Variants in EPB41L3 observed in about 807,000 individuals in gnomAD.
EPB41L3 encodes band 4.1-like protein 3.
A neutral mutation model predicts 127.1 loss-of-function variants in EPB41L3; 57 were observed. That is an observed-to-expected ratio of 0.45 (90% CI 0.36 to 0.56). The LOEUF (loss-of-function observed/expected upper bound fraction) is 0.56. Among genes scored for constraint, EPB41L3 ranks in the 20% least tolerant of loss-of-function variants. The pLI is 0.00. For missense variants in EPB41L3, 1,273 were observed against 1,372.2 expected, an observed-to-expected ratio of 0.93 and a Z score of 1.14; for synonymous variants, 572 against 549.5, an observed-to-expected ratio of 1.04 and a Z score of -0.57.
At chr18:5,491,687 G>T (rs2090612935) in intron 1 of EPB41L3, among the ~76,000 whole-genome samples, 1 of 151,950 alleles carries the variant, frequency 6.6e-6, no homozygotes, top group Non-Finnish European at 1.5e-5. Context: ...TATTTCCTAG[G>T]TATATTAATT....
At chr18:5,469,304 C>T (rs1198325386) in intron 3 of EPB41L3, among the ~76,000 whole-genome samples, 2 of 152,194 alleles carry the variant, frequency 1.3e-5, no homozygotes, top group Non-Finnish European at 1.5e-5. Flanking sequence ...TCCAAGCTTC[C>T]GGGTGTCACT....
chr18:5,552,495 A>AT (rs1192873095), intron 3 of EPB41L3, among the ~76,000 whole-genome samples: 3 of 152,220 alleles, frequency 2.0e-5, no homozygotes, highest in African/African-American at 7.2e-5. Context: ...GATGAAACAG[A>AT]TAAAAATATT....
chr18:5,596,551 T>C (rs1416951338), intron 3 of EPB41L3, among the ~76,000 whole-genome samples: 3 of 152,142 alleles, frequency 2.0e-5, no homozygotes. Flanking sequence ...CACAAAAATG[T>C]GTCTCAGCCG....
rs1182536824 is a variant in EPB41L3, at chr18:5,415,913, A to C, written c.1972T>G (p.Phe658Val). 1.2e-6 allele frequency: 2 copies of C among 1,614,006 alleles called. No individual in the cohort carries two copies. Among genetic ancestry groups the C allele is most frequent in the African/African-American group, 2.7e-5 (2 of 75,030 alleles). The change falls in exon 13 of 23, where the codon TTC (phenylalanine) becomes GTC (valine). Residue 658 changes from phenylalanine to valine, a missense_variant. Transcript: ENST00000341928. ...FSVPYALTLSFPLALCLCYLE... is the reference protein window; with the variant it reads ...FSVPYALTLSVPLALCLCYLE... Reference sequence around the variant, plus strand: ...TAGCAGAGGCACAGAGCCAGAGGGAAGGAGAGAGTGAGAGCGTATGGCACT... The same window carrying C: ...TAGCAGAGGCACAGAGCCAGAGGGACGGAGAGAGTGAGAGCGTATGGCACT...
chr18:5,404,907 G>A (rs992885159), intron 16 of EPB41L3, among the ~76,000 whole-genome samples: 35 of 152,178 alleles, frequency 2.3e-4, no homozygotes, highest in African/African-American at 8.2e-4. Flanking sequence ...ATTCATGAGA[G>A]CATAACTGAA....
At chr18:5,572,995 G>C (rs1035652944) in intron 3 of EPB41L3, among the ~76,000 whole-genome samples, 1 of 152,144 alleles carries the variant, frequency 6.6e-6, no homozygotes, top group Non-Finnish European at 1.5e-5. Context: ...GGAATAAGGG[G>C]GAGCCAGGAG....
chr18:5,583,504 A>C (rs955202877), intron 3 of EPB41L3, among the ~76,000 whole-genome samples: 13 of 152,216 alleles, frequency 8.5e-5, no homozygotes, highest in Non-Finnish European at 2.9e-5. Context: ...TCTTTTCAGA[A>C]CATTATCTGG....
intron 2 of EPB41L3, among the ~76,000 whole-genome samples, chr18:5,484,820 AG>A (rs1428718861): frequency 6.6e-6 from 1 of 151,988 alleles, no homozygotes; most frequent in African/African-American, 2.4e-5. Context: ...AATAGTCATG[AG>A]TAATGAGATC....
At chr18:5,493,820 C>A (rs1244745835) in intron 1 of EPB41L3, among the ~76,000 whole-genome samples, 1 of 152,132 alleles carries the variant, frequency 6.6e-6, no homozygotes, top group African/African-American at 2.4e-5. Context: ...ACCATGACCT[C>A]CCCACAAGCC....
At position 5,522,118 on chromosome 18, in the gene EPB41L3, T is replaced by TTTA. The variant is rs1298688503; in HGVS notation, c.-12+21792_-12+21794dup. On this transcript the variant is annotated intron_variant, in intron 1 of 22. Transcript: ENST00000341928. ...TATTTATTTATTTATTTATTTATTT[T>TTTA]TTAGAGCTGGAGTCTCACTCTGTTG... 4.7e-5 allele frequency among the ~76,000 whole-genome samples: 7 copies of TTTA among 149,964 alleles called. 1 individual carries two copies. The East Asian group carries it at 1.2e-3, about 26-fold the overall frequency.
At chr18:5,580,058 A>G (rs954233426) in intron 3 of EPB41L3, among the ~76,000 whole-genome samples, 7 of 152,234 alleles carry the variant, frequency 4.6e-5, no homozygotes, top group Non-Finnish European at 7.3e-5. Context: ...CCACAAGGTC[A>G]TACAATTATG....
chr18:5,441,069 A>G (rs1261441731), intron 5 of EPB41L3, among the ~76,000 whole-genome samples: 1 of 152,184 alleles, frequency 6.6e-6, no homozygotes, highest in Non-Finnish European at 1.5e-5. Flanking sequence ...AATTTTTTAA[A>G]AAAATAGAAA....
intron 12 of EPB41L3, among the ~76,000 whole-genome samples, chr18:5,417,587 A>G (rs960050287): frequency 5.3e-5 from 8 of 152,166 alleles, no homozygotes; most frequent in Admixed American, 5.2e-4. Flanking sequence ...CAGCATGGAA[A>G]TTACCCAGCC....
intron 2 of EPB41L3, among the ~76,000 whole-genome samples, chr18:5,485,139 A>G (rs1388458540): frequency 6.6e-6 from 1 of 152,082 alleles, no homozygotes; most frequent in East Asian, 1.9e-4. Flanking sequence ...GGGACTGAAA[A>G]GATCATTCAC....
chr18:5,527,269 C>T (rs1261542194), intron 1 of EPB41L3, among the ~76,000 whole-genome samples: 1 of 152,152 alleles, frequency 6.6e-6, no homozygotes, highest in African/African-American at 2.4e-5. Context: ...CTGATTCTCT[C>T]GTATCCCAAG....
chr18:5,424,380 T>C (rs1193593829), intron 9 of EPB41L3, 21 bp from the exon 10 acceptor site: 5 of 1,547,172 alleles, frequency 3.2e-6, no homozygotes, highest in Non-Finnish European at 4.4e-6. Flanking sequence ...AAAAATACAT[T>C]GAAGAGTAAA....
chr18:5,433,412 A>G (rs927160668), intron 8 of EPB41L3, 57 bp downstream of exon 8: 1 of 1,252,746 alleles, frequency 8.0e-7, no homozygotes, highest in African/African-American at 1.5e-5. Context: ...TACAGTAATA[A>G]CAACATCAAG....
intron 3 of EPB41L3, among the ~76,000 whole-genome samples, chr18:5,476,106 TA>T (rs773915371): frequency 8.8e-4 from 134 of 152,280 alleles, no homozygotes; most frequent in Admixed American, 2.0e-3. Context: ...CTGCTTGATT[TA>T]CAATACATTT....
chr18:5,503,841 T>G (rs1364320578), intron 1 of EPB41L3, among the ~76,000 whole-genome samples: 1 of 152,232 alleles, frequency 6.6e-6, no homozygotes, highest in Non-Finnish European at 1.5e-5. Flanking sequence ...ACTCTTGAAT[T>G]TTAAGATCTT....
Sources: allele counts gnomAD v4.1 joint callset (sites outside exome capture counted in the v4.1 genomes callset), GRCh38; gene constraint gnomAD v4.1.1; transcripts MANE v1.5; gene names NCBI Gene and HGNC (gene_info 2026-07-23, HGNC 2026-07-21).